TPCN1: variants seen among roughly 807,000 people sequenced by gnomAD.
The protein encoded by TPCN1 is two pore segment channel 1, also known as two pore channel protein 1.
A neutral mutation model predicts 108.8 loss-of-function variants in TPCN1; 52 were observed. That is an observed-to-expected ratio of 0.48 (90% confidence interval 0.38 to 0.60). The LOEUF is 0.60. TPCN1 is among the 20% of genes least tolerant of loss of function. The probability of loss-of-function intolerance (pLI) is 0.00; values close to 1 mark genes in which losing one functional copy is unlikely to be tolerated. For synonymous variants in TPCN1, 446 were observed against 433.7 expected (o/e 1.03, Z -0.35); for missense variants, 806 against 1,072.8 (o/e 0.75, Z 3.47).
chr12:113,276,868 G>C, intron 10 of TPCN1, 51 bp from the exon 11 acceptor site: 1 of 1,326,188 alleles, frequency 7.5e-7, no homozygotes. Flanking sequence ...TGCACTCCCT[G>C]CCCTAACCAC....
chr12:113,226,634 G>A, intron 1 of TPCN1, 94 bp from the exon 2 acceptor site: 2 of 1,050,842 alleles, frequency 1.9e-6, no homozygotes, highest in East Asian at 2.6e-5. Flanking sequence ...ACGAGGTTGT[G>A]CAACCATCAC....
At chr12:113,264,602 C>A (rs1019117436) in intron 3 of TPCN1, among the ~76,000 whole-genome samples, 5 of 151,934 alleles carry the variant, frequency 3.3e-5, no homozygotes, top group Non-Finnish European at 7.4e-5. Context: ...TTGCTTGAAC[C>A]CAGGAGGCGG....
Position 113,269,768 on chromosome 12 carries a change from A to G in TPCN1, c.671A>G (p.Gln224Arg). The G allele has an allele frequency of 6.2e-7, 1 of 1,613,648 alleles. No homozygotes were observed. Among genetic ancestry groups the G allele is most frequent in the Non-Finnish European group, 8.5e-7 (1 of 1,180,006 alleles). The change falls in exon 7 of 28, where the codon CAG becomes CGG. Residue 224 changes from glutamine to arginine, a missense_variant. Gln to Arg is a conservative substitution (Grantham distance 43, BLOSUM62 1). Transcript: ENST00000335509. The surrounding 1 kb of genome is among the most constrained non-coding windows in gnomAD (Gnocchi z 5.0). ...CCATCTCTCCCCAGCAACCTGCGGC[A>G]GATCTTCCAGTCCCTGCCGCCCTTC... ...YCGGVRRNLRQIFQSLPPFMD... is the reference protein window; with the variant it reads ...YCGGVRRNLRRIFQSLPPFMD...
chr12:113,229,380 A>G (rs1477676993), intron 2 of TPCN1, among the ~76,000 whole-genome samples: 3 of 152,248 alleles, frequency 2.0e-5, no homozygotes, highest in Non-Finnish European at 4.4e-5. Context: ...AAGAGTTTTC[A>G]GAGGAGGCCT....
chr12:113,233,925 C>A (rs918175321), intron 2 of TPCN1, among the ~76,000 whole-genome samples: 3 of 152,162 alleles, frequency 2.0e-5, no homozygotes, highest in South Asian at 2.1e-4. Context: ...AGTATGCCCC[C>A]CTCCGTGAGG....
At chr12:113,281,305 G>C (rs1955880380) in intron 15 of TPCN1, among the ~76,000 whole-genome samples, 1 of 152,106 alleles carries the variant, frequency 6.6e-6, no homozygotes, top group African/African-American at 2.4e-5. Flanking sequence ...CTCCCAAAGT[G>C]CTGGGATTAC....
At chr12:113,248,694 C>A (rs914276879) in intron 2 of TPCN1, among the ~76,000 whole-genome samples, 1 of 152,118 alleles carries the variant, frequency 6.6e-6, no homozygotes, top group Non-Finnish European at 1.5e-5. Flanking sequence ...GGAGAGGTTG[C>A]GGGTCAGGTT....
In TPCN1 at chr12:113,227,031, G is replaced by A. The variant is rs1953496815; in HGVS notation, c.112+67G>A. The A allele has an allele frequency of 9.4e-6, 13 of 1,384,948 alleles. No individual in the cohort carries two copies. In the South Asian group the frequency reaches 1.2e-4, roughly 13 times the overall value. 85.8% of individuals were successfully genotyped at this position (1,384,948 alleles called of 1,614,324 possible). ...TTTCAGAGGCTGAGAGGTGATAAGC[G>A]CTTTGTGGTCTGATAGTAGGGGTGT... is the stretch of plus-strand genomic sequence containing the variant. On this transcript the variant is annotated intron_variant, in intron 2 of 27. Transcript: ENST00000335509.
rs1296244741 is a variant in TPCN1 at position 113,288,295 on chromosome 12, G to A, written c.1706+61G>A. Reference sequence around the variant, plus strand: ...GTGCCGTGTGGCAGTGCCCCGTGGGGGCGGGAGCCGAGTGGCAGTCGGGGG... The same window carrying A: ...GTGCCGTGTGGCAGTGCCCCGTGGGAGCGGGAGCCGAGTGGCAGTCGGGGG... On this transcript the variant is annotated intron_variant, in intron 20 of 27. Transcript: ENST00000335509. The surrounding 1 kb of genome is among the most constrained non-coding windows in gnomAD (Gnocchi z 4.8). The A allele has an allele frequency of 1.9e-6, 3 of 1,609,588 alleles. No individual in the cohort carries two copies. Among genetic ancestry groups the A allele is most frequent in the African/African-American group, 1.3e-5 (1 of 74,952 alleles).
chr12:113,269,799 C>A lies in TPCN1; in HGVS notation c.702C>A (p.Asp234Glu). ...QIFQSLPPFM[D>E]ILLLLLFFMI... Reference sequence around the variant, plus strand: ...TCCAGTCCCTGCCGCCCTTCATGGACATCCTCCTGCTGCTGCTGTTCTTCA... The same window carrying A: ...TCCAGTCCCTGCCGCCCTTCATGGAAATCCTCCTGCTGCTGCTGTTCTTCA... The change falls in exon 7 of 28, where the codon GAC (aspartate) becomes GAA (glutamate). Residue 234 changes from aspartate (D) to glutamate (E), a missense_variant. Transcript: ENST00000335509. The surrounding 1 kb of genome is among the most constrained non-coding windows in gnomAD (Gnocchi z 5.0). 2 of 1,614,038 alleles carry A rather than the reference C, an allele frequency of 1.2e-6. No homozygotes were observed. Among genetic ancestry groups the A allele is most frequent in the Non-Finnish European group, 1.7e-6 (2 of 1,180,028 alleles).
At position 113,267,968 on chromosome 12, in the gene TPCN1, G is replaced by T; in HGVS notation, c.528+12G>T. ...GGACCATGGTCAAGGTGATGTGTCC[G>T]CCCATCTGTCCCTCCCCTCACAGCC... On this transcript the variant is annotated intron_variant, in intron 5 of 27. Transcript: ENST00000335509. 1 of 1,573,178 alleles carries T rather than the reference G, an allele frequency of 6.4e-7. No individual in the cohort carries two copies. Among genetic ancestry groups the T allele is most frequent in the South Asian group, 1.1e-5 (1 of 89,166 alleles).
intron 2 of TPCN1, among the ~76,000 whole-genome samples, chr12:113,229,370 A>C (rs943927230): frequency 2.0e-5 from 3 of 152,234 alleles, no homozygotes; most frequent in African/African-American, 7.2e-5. Context: ...GCAAGTAAAC[A>C]AGAGTTTTCA....
rs908709504 is a variant in TPCN1 at position 113,281,436 on chromosome 12, A to T, written c.1342+1241A>T. On this transcript the variant is annotated intron_variant, in intron 15 of 27. Coordinates refer to ENST00000335509, the MANE Select transcript of TPCN1 (RefSeq NM_017901.6). The stretch of plus-strand genomic sequence containing the variant: ...TCCAGGTTCCCAACTACACTGGCAC[A>T]GTTATTCATTTGCTTTGTCTCACAG... Among the ~76,000 whole-genome samples the T allele has an allele frequency of 2.0e-5, 3 of 152,244 alleles. No individual in the cohort carries two copies. In the East Asian group the frequency reaches 5.8e-4, roughly 29 times the overall value.
intron 5 of TPCN1, 32 bp downstream of exon 5, chr12:113,267,988 A>G (rs2136623735): frequency 6.8e-7 from 1 of 1,460,256 alleles, no homozygotes; most frequent in Non-Finnish European, 9.5e-7. Context: ...CCCTCCCCTC[A>G]CAGCCTTTTC....
In TPCN1 at chr12:113,284,709, G is replaced by A. The variant is rs1956007883; in HGVS notation, c.1400-9G>A. On this transcript the variant is annotated splice_polypyrimidine_tract_variant and intron_variant, in intron 16 of 27. Transcript: ENST00000335509. This position sits in a 1 kb window ranked among gnomAD's most constrained non-coding sequence, Gnocchi z 4.1. ...CTTACCTGTGAGCTGCTACTTCTCT[G>A]TCTTACAGGTGGGAACTTCTTCTCC... is the stretch of plus-strand genomic sequence containing the variant. 2 of 1,614,226 alleles carry A rather than the reference G, an allele frequency of 1.2e-6. No homozygotes were observed. The highest frequency in any genetic ancestry group is 2.2e-5 in the South Asian group (2 of 91,088).
intron 2 of TPCN1, among the ~76,000 whole-genome samples, chr12:113,259,502 C>T (rs1954945643): frequency 6.6e-6 from 1 of 152,190 alleles, no homozygotes; most frequent in Non-Finnish European, 1.5e-5. Flanking sequence ...ATTTCAGGCA[C>T]AGCTGGATTC....
At chr12:113,263,500 A>T (rs1402276459) in intron 3 of TPCN1, among the ~76,000 whole-genome samples, 2 of 152,208 alleles carry the variant, frequency 1.3e-5, no homozygotes, top group Non-Finnish European at 2.9e-5. Context: ...ACCTCAAGTG[A>T]TCCACCTGCT....
chr12:113,267,112 C>G (rs1428552268), intron 4 of TPCN1, among the ~76,000 whole-genome samples: 1 of 152,174 alleles, frequency 6.6e-6, no homozygotes, highest in Non-Finnish European at 1.5e-5. Flanking sequence ...CTCCCTACCC[C>G]CAGGAGGAGG....
At chr12:113,295,443 TA>T (rs61221998) in intron 27 of TPCN1, among the ~76,000 whole-genome samples, 2,694 of 92,066 alleles carry the variant, frequency 0.029, 31 homozygotes, top group Middle Eastern at 0.078. Context: ...CTCTGTCTCC[TA>T]AAAAAAAAAA....
Sources: allele counts gnomAD v4.1 joint callset (sites outside exome capture counted in the v4.1 genomes callset), GRCh38; gene constraint gnomAD v4.1.1; non-coding constraint Gnocchi (gnomAD v3.1); transcripts MANE v1.5; gene names NCBI Gene and HGNC (gene_info 2026-07-23, HGNC 2026-07-21).